The following DNAH11 variants were observed in gnomAD, a reference collection of about 807,000 sequenced individuals.
DNAH11 encodes the protein axonemal beta dynein heavy chain 11.
DNAH11 carries 442 observed loss-of-function variants against 526.0 expected under a neutral mutation model. The observed-to-expected ratio is 0.84, with a 90% CI of 0.78 to 0.91. DNAH11 has a LOEUF of 0.91. Among genes scored for constraint, DNAH11 ranks in the 40% least tolerant of loss-of-function variants. DNAH11 has a pLI of 0.00. For synonymous variants in DNAH11, 2,461 were observed against 1,935.9 expected, an observed-to-expected ratio of 1.27 and a Z score of -7.12; for missense variants, 6,989 against 5,448.7, an observed-to-expected ratio of 1.28 and a Z score of -8.90.
At chr7:21,711,071 G>A (rs1208345245) in intron 41 of DNAH11, among the ~76,000 whole-genome samples, 1 of 152,144 alleles carries the variant, frequency 6.6e-6, no homozygotes, top group Non-Finnish European at 1.5e-5. Flanking sequence ...TATGATGATT[G>A]AAATTAACTA....
At chr7:21,772,603 A>G (rs908254226) in intron 55 of DNAH11, among the ~76,000 whole-genome samples, 1 of 152,158 alleles carries the variant, frequency 6.6e-6, no homozygotes, top group Non-Finnish European at 1.5e-5. Context: ...GTTTGGAAAT[A>G]TATTTGTATC....
intron 76 of DNAH11, among the ~76,000 whole-genome samples, chr7:21,885,898 G>A (rs191776793): frequency 6.6e-6 from 1 of 152,248 alleles, no homozygotes; most frequent in East Asian, 1.9e-4. Flanking sequence ...TGTAGAAATG[G>A]TTCCAGCCCG....
intron 61 of DNAH11, among the ~76,000 whole-genome samples, chr7:21,799,366 T>C (rs1237962852): frequency 1.3e-5 from 2 of 152,120 alleles, no homozygotes; most frequent in African/African-American, 4.8e-5. Context: ...AGACGGAGTC[T>C]TGCTCTTGTT....
At chr7:21,679,883 ATTATAC>A (rs1307782925) in intron 30 of DNAH11, among the ~76,000 whole-genome samples, 4 of 152,110 alleles carry the variant, frequency 2.6e-5, no homozygotes, top group Non-Finnish European at 2.9e-5. Context: ...TTTTATTATT[ATTATAC>A]TTTAAGTTTT....
At chr7:21,568,625 A>T (rs551155676) in intron 6 of DNAH11, among the ~76,000 whole-genome samples, 1 of 152,308 alleles carries the variant, frequency 6.6e-6, no homozygotes, top group East Asian at 1.9e-4. Flanking sequence ...CTGTATGAAC[A>T]GGAGGTTCTT....
intron 61 of DNAH11, among the ~76,000 whole-genome samples, chr7:21,794,638 T>C (rs1788628990): frequency 6.6e-6 from 1 of 152,016 alleles, no homozygotes; most frequent in African/African-American, 2.4e-5. Context: ...TGTGGTGCTG[T>C]TGAACAGCCA....
intron 62 of DNAH11, 74 bp from the exon 63 acceptor site, chr7:21,807,809 G>T: frequency 6.9e-7 from 1 of 1,448,842 alleles, no homozygotes; most frequent in South Asian, 1.4e-5. Flanking sequence ...TTGCCATAAG[G>T]TAATTGCATT....
At position 21,619,163 on chromosome 7, in the gene DNAH11, G is replaced by A. The variant is rs753773546; in HGVS notation, c.4318G>A (p.Val1440Met). 1.2e-6 allele frequency: 2 copies of A among 1,613,614 alleles called. No homozygotes were observed. Among genetic ancestry groups the A allele is most frequent in the Non-Finnish European group, 8.5e-7 (1 of 1,179,700 alleles). The change falls in exon 24 of 82, where the codon GTG becomes ATG. Residue 1440 changes from valine to methionine, a missense_variant. By Grantham distance (21) the Val-to-Met change is conservative. Transcript: ENST00000409508. ...TTTGTTAGCACTGCGGTTACACAGA[G>A]TGGAAGATGATGTCCGAAGGATTGT... Reference protein sequence around the residue: ...ADLLALRLHRVEDDVRRIVDK... With the variant: ...ADLLALRLHRMEDDVRRIVDK...
rs1402129468 is a variant in DNAH11, at chr7:21,892,544, C to G, written c.12627C>G (p.Leu4209=). Residue 4209 remains leucine (L), a synonymous_variant, in exon 77 of 82, where the codon CTC becomes CTG. Coordinates refer to ENST00000409508, the MANE Select transcript of DNAH11 (RefSeq NM_001277115.2). ...LPPESPALYG[L]HPNAEIEFLT... ...CAGAAAGCCCGGCACTGTATGGCCTCCACCCAAATGCTGAAATAGAATTCC... is the reference window on the plus strand; with the variant it reads ...CAGAAAGCCCGGCACTGTATGGCCTGCACCCAAATGCTGAAATAGAATTCC... 2 of 1,613,954 alleles carry G rather than the reference C, an allele frequency of 1.2e-6. No homozygotes were observed. The highest frequency in any genetic ancestry group is 1.6e-4 in the Middle Eastern group (1 of 6,062).
At chr7:21,648,562 C>A (rs760982370) in intron 28 of DNAH11, among the ~76,000 whole-genome samples, 6 of 152,190 alleles carry the variant, frequency 3.9e-5, no homozygotes, top group Non-Finnish European at 8.8e-5. Context: ...TGAGAGAAGC[C>A]ACCGATCACC....
Position 21,797,561 on chromosome 7 carries a change from T to C in DNAH11, c.10027-3576T>C, listed in dbSNP as rs1052870198. 2.0e-5 allele frequency among the ~76,000 whole-genome samples: 3 copies of C among 148,700 alleles called. 1 individual carries two copies. Among genetic ancestry groups the C allele is most frequent in the Admixed American group, 6.6e-5 (1 of 15,186 alleles). ...AGTACATGTACAGTTTACATATTTATGTTTATATTAACTGTATTCATGTGA... is the reference window on the plus strand; with the variant it reads ...AGTACATGTACAGTTTACATATTTACGTTTATATTAACTGTATTCATGTGA... On this transcript the variant is annotated intron_variant, in intron 61 of 81. Transcript: ENST00000409508.
At chr7:21,841,144 A>G (rs1782188080) in intron 65 of DNAH11, among the ~76,000 whole-genome samples, 1 of 152,190 alleles carries the variant, frequency 6.6e-6, no homozygotes, top group African/African-American at 2.4e-5. Flanking sequence ...AAATTGTACC[A>G]TTGCATTTCA....
intron 2 of DNAH11, among the ~76,000 whole-genome samples, chr7:21,557,427 A>G (rs1167954458): frequency 1.3e-5 from 2 of 152,198 alleles, no homozygotes; most frequent in Non-Finnish European, 2.9e-5. Context: ...AAATCAAGCC[A>G]GTAGTGAATT....
At position 21,635,927 on chromosome 7, in the gene DNAH11, G is replaced by A. The variant is rs1786842734; in HGVS notation, c.4557G>A (p.Val1519=). The A allele has an allele frequency of 6.2e-7, 1 of 1,613,252 alleles. No individual in the cohort carries two copies. Among genetic ancestry groups the A allele is most frequent in the Non-Finnish European group, 8.5e-7 (1 of 1,179,666 alleles). ...SKYVEYFIEQ[V]LSWQNKLNIA... ...ATGTAGAATATTTCATTGAGCAAGT[G>A]TTAAGCTGGCAAAATAAATTAAACA... Residue 1519 remains valine (V), a synonymous_variant, in exon 26 of 82, where the codon GTG becomes GTA. Transcript: ENST00000409508.
intron 76 of DNAH11, among the ~76,000 whole-genome samples, chr7:21,890,033 C>T (rs1784275050): frequency 1.3e-5 from 2 of 152,196 alleles, no homozygotes; most frequent in Non-Finnish European, 2.9e-5. Flanking sequence ...ATCAAGTCTG[C>T]TGCTAGGGTA....
rs1390120089 is a variant in DNAH11 at position 21,873,489 on chromosome 7, C to G, written c.12183C>G (p.Tyr4061Ter). Residue 4061 changes from tyrosine (Y) to a stop codon, truncating the protein, a stop_gained, in exon 74 of 82, where the codon TAC becomes TAG. Transcript: ENST00000409508. LOFTEE classifies it high-confidence loss of function. ...GMLANLHAAL[Y>*]NFDQDTLEIC... is the part of the protein sequence containing the mutation. ...TGGCCAATTTGCATGCCGCCCTGTA[C>G]AACTTTGATCAGGTAAGAAAGCGAA... 1 of 1,613,926 alleles carries G rather than the reference C, an allele frequency of 6.2e-7. No individual in the cohort carries two copies. The highest frequency in any genetic ancestry group is 8.5e-7 in the Non-Finnish European group (1 of 1,179,850).
At position 21,862,606 on chromosome 7, in the gene DNAH11, G is replaced by A. The variant is rs193139014; in HGVS notation, c.11373+583G>A. Among the ~76,000 whole-genome samples, 14 of 152,184 alleles carry A rather than the reference G, an allele frequency of 9.2e-5. No individual in the cohort carries two copies. The East Asian group carries it at 1.9e-3, about 21-fold the overall frequency. On this transcript the variant is annotated intron_variant, in intron 69 of 81. Coordinates refer to ENST00000409508, the MANE Select transcript of DNAH11 (RefSeq NM_001277115.2). Reference sequence around the variant, plus strand: ...CCATTCTACAATATAAACATGTATCGAAGCATCACAGTGTGCCACTTAAAT... The same window carrying A: ...CCATTCTACAATATAAACATGTATCAAAGCATCACAGTGTGCCACTTAAAT...
rs79728877 is a variant in DNAH11, at chr7:21,801,430, A to G, written c.10165+155A>G. 9.4e-3 allele frequency among the ~76,000 whole-genome samples: 1,432 copies of G among 152,346 alleles called. 15 individuals are homozygous for G. Among genetic ancestry groups the G allele is most frequent in the African/African-American group, 0.032 (1,350 of 41,586 alleles). ...CATCCTGTGGCTCTAACTCACCAGA[A>G]GGAAGAAATGTTCAAGTACATATCT... On this transcript the variant is annotated intron_variant, in intron 62 of 81. Coordinates refer to ENST00000409508, the MANE Select transcript of DNAH11 (RefSeq NM_001277115.2).
At chr7:21,650,469 A>G (rs1787577153) in intron 28 of DNAH11, among the ~76,000 whole-genome samples, 1 of 151,012 alleles carries the variant, frequency 6.6e-6, no homozygotes, top group African/African-American at 2.4e-5. Flanking sequence ...TTCCTCTACA[A>G]TTTGATGTTT....
Sources: gnomAD v4.1 joint callset for allele counts (sites outside exome capture counted in the v4.1 genomes callset) on GRCh38, gnomAD v4.1.1 for gene constraint, MANE v1.5 for transcripts, NCBI Gene and HGNC (gene_info 2026-07-23, HGNC 2026-07-21) for gene names.